The following PKIB variants were observed in gnomAD, a reference collection of about 807,000 sequenced individuals.
The protein encoded by PKIB is cAMP-dependent protein kinase inhibitor beta.
Under a neutral mutation model 4.5 loss-of-function variants are expected in PKIB, and 2 were observed. That is an observed-to-expected ratio of 0.44 (90% confidence interval 0.18 to 1.39). The LOEUF is 1.39. Among genes scored for constraint, PKIB ranks in the 40% most tolerant of loss-of-function variants. PKIB has a pLI of 0.27. For missense variants in PKIB, 94 were observed against 92.6 expected, an observed-to-expected ratio of 1.02 and a Z score of -0.06; for synonymous variants, 38 against 36.0, an observed-to-expected ratio of 1.06 and a Z score of -0.20.
intron 2 of PKIB, among the ~76,000 whole-genome samples, chr6:122,533,135 T>G (rs1217959764): frequency 2.0e-5 from 3 of 148,808 alleles, no homozygotes; most frequent in South Asian, 2.2e-4. Context: ...TGTCCTTTGA[T>G]GCACAAAACT....
intron 3 of PKIB, among the ~76,000 whole-genome samples, chr6:122,680,754 T>C (rs1777866841): frequency 6.6e-6 from 1 of 152,236 alleles, no homozygotes. Flanking sequence ...GTTGAAATAC[T>C]GCAATTGCCT....
chr6:122,516,858 T>C (rs968962618), intron 2 of PKIB, among the ~76,000 whole-genome samples: 3 of 152,120 alleles, frequency 2.0e-5, no homozygotes, highest in African/African-American at 4.8e-5. Context: ...TATGGACATA[T>C]TGGAAGCTTT....
chr6:122,660,576 G>A (rs1051399819), intron 2 of PKIB, among the ~76,000 whole-genome samples: 1 of 152,124 alleles, frequency 6.6e-6, no homozygotes, highest in Non-Finnish European at 1.5e-5. Flanking sequence ...AGTTTACAGG[G>A]CATGGATATC....
intron 2 of PKIB, among the ~76,000 whole-genome samples, chr6:122,520,158 A>C (rs990374786): frequency 1.3e-5 from 2 of 152,122 alleles, no homozygotes; most frequent in Non-Finnish European, 2.9e-5. Flanking sequence ...GTACCACATT[A>C]CTGTACTTGC....
At chr6:122,719,209 A>G (rs1352152534) in intron 4 of PKIB, among the ~76,000 whole-genome samples, 1 of 152,154 alleles carries the variant, frequency 6.6e-6, no homozygotes, top group Non-Finnish European at 1.5e-5. Context: ...GTTTACTGAC[A>G]TTACTTAATC....
intron 2 of PKIB, among the ~76,000 whole-genome samples, chr6:122,543,496 C>T (rs1772380744): frequency 1.3e-5 from 2 of 151,818 alleles, no homozygotes; most frequent in African/African-American, 4.9e-5. Flanking sequence ...TCTCCTGCTT[C>T]AGCCTCCCAA....
At chr6:122,588,566 G>A (rs1389535129) in intron 3 of PKIB, among the ~76,000 whole-genome samples, 2 of 152,114 alleles carry the variant, frequency 1.3e-5, no homozygotes, top group East Asian at 3.8e-4. Context: ...CATGGTACTG[G>A]TACCAAAACA....
chr6:122,627,432 G>A (rs1403210157), intron 1 of PKIB, among the ~76,000 whole-genome samples: 1 of 152,122 alleles, frequency 6.6e-6, no homozygotes, highest in African/African-American at 2.4e-5. Flanking sequence ...GATCAATTGA[G>A]TGTATTTACT....
intron 3 of PKIB, among the ~76,000 whole-genome samples, chr6:122,680,297 T>A (rs998493081): frequency 1.3e-5 from 2 of 152,230 alleles, no homozygotes; most frequent in African/African-American, 4.8e-5. Flanking sequence ...AAAATTGATA[T>A]TATCTCATGC....
chr6:122,670,119 G>T (rs1777395541), intron 2 of PKIB, among the ~76,000 whole-genome samples: 1 of 151,658 alleles, frequency 6.6e-6, no homozygotes, highest in Non-Finnish European at 1.5e-5. Context: ...TTTCAGAAAG[G>T]GCAAAAGAGG....
chr6:122,693,634 C>T lies in PKIB; in HGVS notation c.-9+18490C>T, dbSNP rs560746954. On this transcript the variant is annotated intron_variant, in intron 3 of 4. Coordinates refer to ENST00000368452, the MANE Select transcript of PKIB (RefSeq NM_181795.3). ...AAGTTTGATAACATACACTTTCTCT[C>T]CCCATAGACAGGATCTGCAAATGAT... Among the ~76,000 whole-genome samples the T allele has an allele frequency of 2.6e-5, 4 of 152,310 alleles. No homozygotes were observed. In the South Asian group the frequency reaches 6.2e-4, roughly 24 times the overall value.
At chr6:122,572,459 C>G (rs1251558479) in intron 2 of PKIB, among the ~76,000 whole-genome samples, 1 of 151,776 alleles carries the variant, frequency 6.6e-6, no homozygotes, top group Admixed American at 6.6e-5. Flanking sequence ...ATCAAAACCT[C>G]CGGGATACAG....
chr6:122,608,170 A>C (rs1277529030), upstream of PKIB, among the ~76,000 whole-genome samples: 2 of 152,144 alleles, frequency 1.3e-5, no homozygotes, highest in East Asian at 3.9e-4. Context: ...CTCTCATTTG[A>C]TGTGGATTTG....
chr6:122,589,454 A>G (rs1263105853), intron 3 of PKIB, among the ~76,000 whole-genome samples: 1 of 152,176 alleles, frequency 6.6e-6, no homozygotes, highest in Non-Finnish European at 1.5e-5. Context: ...AAACTGAGAT[A>G]GAGATAGTCA....
chr6:122,507,978 ATTT>A (rs1362429402), intron 2 of PKIB, among the ~76,000 whole-genome samples: 1 of 151,970 alleles, frequency 6.6e-6, no homozygotes, highest in Non-Finnish European at 1.5e-5. Flanking sequence ...AATATTTTTA[ATTT>A]TTTTAATTTT....
At chr6:122,700,351 G>A (rs1778762939) in intron 3 of PKIB, among the ~76,000 whole-genome samples, 1 of 147,316 alleles carries the variant, frequency 6.8e-6, no homozygotes, top group Non-Finnish European at 1.5e-5. Flanking sequence ...ATACTTATAA[G>A]TCTTTTCTCT....
chr6:122,705,673 C>A (rs1377668379), intron 3 of PKIB, among the ~76,000 whole-genome samples: 1 of 147,928 alleles, frequency 6.8e-6, no homozygotes, highest in African/African-American at 2.5e-5. Context: ...TCAAGTGATT[C>A]TCCTGCCTTG....
At chr6:122,694,490 T>C (rs1484892578) in intron 3 of PKIB, among the ~76,000 whole-genome samples, 1 of 152,218 alleles carries the variant, frequency 6.6e-6, no homozygotes, top group African/African-American at 2.4e-5. Flanking sequence ...AAGAGCTAAT[T>C]TGCTTTAAAT....
chr6:122,576,689 A>AAAATATATAT (rs1345822382), intron 2 of PKIB, among the ~76,000 whole-genome samples: 714 of 34,264 alleles, frequency 0.021, 7 homozygotes, highest in Non-Finnish European at 0.025. Flanking sequence ...AAAAAAAAAA[A>AAAATATATAT]ATATATATAT....
Sources: allele counts gnomAD v4.1 joint callset (sites outside exome capture counted in the v4.1 genomes callset), GRCh38; gene constraint gnomAD v4.1.1; transcripts MANE v1.5; gene names NCBI Gene and HGNC (gene_info 2026-07-23, HGNC 2026-07-21).